Variants in RPA3 observed in about 807,000 individuals in gnomAD.
RPA3 encodes the protein replication protein A3, also known as replication protein A 14 kDa subunit.
RPA3 carries 24 observed loss-of-function variants against 13.7 expected under a neutral mutation model. That is an observed-to-expected ratio of 1.75 (90% CI 1.27 to 2.46). The LOEUF (loss-of-function observed/expected upper bound fraction) is 2.46. Ranked by LOEUF, RPA3 falls within the 30% of genes most tolerant of loss-of-function variation. The pLI is 0.00. For synonymous variants in RPA3, 59 were observed against 51.2 expected, an observed-to-expected ratio of 1.15 and a Z score of -0.65; for missense variants, 183 against 151.0, an observed-to-expected ratio of 1.21 and a Z score of -1.11.
chr7:7,695,872 A>G (rs1382733890), intron 2 of RPA3, among the ~76,000 whole-genome samples: 1 of 152,168 alleles, frequency 6.6e-6, no homozygotes, highest in African/African-American at 2.4e-5. Context: ...CATCTTATGC[A>G]CTAATGGTTG....
chr7:7,669,921 C>G (rs1234169782), intron 4 of RPA3, among the ~76,000 whole-genome samples: 2 of 152,072 alleles, frequency 1.3e-5, no homozygotes, highest in African/African-American at 4.8e-5. Flanking sequence ...CCTAAATTAT[C>G]CCTCCTTCTA....
intron 4 of RPA3, among the ~76,000 whole-genome samples, chr7:7,659,572 C>T (rs1222614590): frequency 6.6e-6 from 1 of 152,146 alleles, no homozygotes; most frequent in African/African-American, 2.4e-5. Context: ...ACCCAGTAGT[C>T]ATACAGGAGC....
At chr7:7,674,722 A>G (rs1252414255) in intron 4 of RPA3, among the ~76,000 whole-genome samples, 2 of 152,174 alleles carry the variant, frequency 1.3e-5, no homozygotes, top group Non-Finnish European at 2.9e-5. Context: ...TTGGCTTCCA[A>G]GTCAGAACTG....
intron 2 of RPA3, among the ~76,000 whole-genome samples, chr7:7,697,089 G>A (rs1780339027): frequency 6.6e-6 from 1 of 152,104 alleles, no homozygotes; most frequent in Non-Finnish European, 1.5e-5. Flanking sequence ...ATGATTTTCA[G>A]TCAGGATAAG....
intron 4 of RPA3, among the ~76,000 whole-genome samples, chr7:7,657,075 A>T (rs538572186): frequency 1.3e-5 from 2 of 152,196 alleles, no homozygotes; most frequent in South Asian, 4.1e-4. Flanking sequence ...AGTGATGATG[A>T]GCTTTTTTTC....
At chr7:7,647,193 G>C (rs549639755) in intron 4 of RPA3, among the ~76,000 whole-genome samples, 35 of 152,258 alleles carry the variant, frequency 2.3e-4, no homozygotes, top group African/African-American at 8.4e-4. Flanking sequence ...ATAAGCAGGT[G>C]TACATTAAGT....
At chr7:7,684,120 T>C (rs1407125276) in intron 4 of RPA3, among the ~76,000 whole-genome samples, 1 of 152,244 alleles carries the variant, frequency 6.6e-6, no homozygotes, top group Non-Finnish European at 1.5e-5. Flanking sequence ...TAATGCAATG[T>C]AAATGCTATG....
intron 2 of RPA3, among the ~76,000 whole-genome samples, chr7:7,698,831 C>A (rs905026138): frequency 2.2e-4 from 33 of 150,632 alleles, no homozygotes; most frequent in South Asian, 1.5e-3. Context: ...CATGACATTT[C>A]TGGCTGTGGA....
intron 4 of RPA3, among the ~76,000 whole-genome samples, chr7:7,669,506 A>C (rs1779552342): frequency 6.6e-6 from 1 of 152,200 alleles, no homozygotes; most frequent in Non-Finnish European, 1.5e-5. Context: ...AGCTGATGGC[A>C]GATTTTAGTG....
rs139957857 is a variant in RPA3 at position 7,666,572 on chromosome 7, A to G, written c.-758+19258T>C. On this transcript the variant is annotated intron_variant, in intron 4 of 7. Transcript: ENST00000223129. ...ATAATGGTATCTCATTGAGATTCTAATTTACTTTTCCTTGTTGACTGATGA... is the reference window on the plus strand; with the variant it reads ...ATAATGGTATCTCATTGAGATTCTAGTTTACTTTTCCTTGTTGACTGATGA... Among the ~76,000 whole-genome samples the G allele has an allele frequency of 3.5e-3, 532 of 152,140 alleles. 3 individuals are homozygous for G. Among genetic ancestry groups the G allele is most frequent in the Middle Eastern group, 0.017 (5 of 294 alleles).
intron 4 of RPA3, chr7:7,673,510 A>G (rs1001493511): frequency 3.0e-6 from 2 of 674,662 alleles, no homozygotes; most frequent in Non-Finnish European, 2.6e-6. Flanking sequence ...TTAAAAAATT[A>G]CTTGAAAATT....
At chr7:7,716,179 C>T (rs1780897048) in intron 1 of RPA3, among the ~76,000 whole-genome samples, 1 of 152,156 alleles carries the variant, frequency 6.6e-6, no homozygotes, top group Non-Finnish European at 1.5e-5. Context: ...AAAAATTACT[C>T]ATGCCATAGG....
At chr7:7,711,299 A>G (rs1358383783) in intron 2 of RPA3, among the ~76,000 whole-genome samples, 1 of 152,210 alleles carries the variant, frequency 6.6e-6, no homozygotes. Context: ...TGCTGTTACA[A>G]ACATCCTTGT....
At chr7:7,659,860 A>G (rs1785431808) in intron 4 of RPA3, among the ~76,000 whole-genome samples, 1 of 152,064 alleles carries the variant, frequency 6.6e-6, no homozygotes, top group Non-Finnish European at 1.5e-5. Context: ...TATCCTTGTT[A>G]ATTTTCTGTC....
chr7:7,638,520 T>C (rs986431320), intron 6 of RPA3: 1 of 152,392 alleles, frequency 6.6e-6, no homozygotes, highest in South Asian at 2.1e-4. Flanking sequence ...CTGAGGAACA[T>C]AGGGAGATGC....
rs886386438 is a variant in RPA3 at position 7,644,293 on chromosome 7, G to C, written c.-757-3118C>G. Among the ~76,000 whole-genome samples, 4 of 147,894 alleles carry C rather than the reference G, an allele frequency of 2.7e-5. No individual in the cohort carries two copies. In the East Asian group the frequency reaches 5.8e-4, roughly 22 times the overall value. On this transcript the variant is annotated intron_variant, in intron 4 of 7. Coordinates refer to ENST00000223129, the MANE Select transcript of RPA3 (RefSeq NM_002947.5). ...AAGAGCTTTTTATTAGTGAGATATT[G>C]TAATGGTACAAGTGTTGTCTGTTTT...
rs1305025590 is a variant in RPA3, at chr7:7,699,266, T to C, written c.-1027-11938A>G. On this transcript the variant is annotated intron_variant, in intron 2 of 7. Transcript: ENST00000223129. ...TCTTATCAGACTCATTTTAATAATATAACAGATTTAATTTTTAGTTTTCAT... is the reference window on the plus strand; with the variant it reads ...TCTTATCAGACTCATTTTAATAATACAACAGATTTAATTTTTAGTTTTCAT... Among the ~76,000 whole-genome samples, 40 of 152,172 alleles carry C rather than the reference T, an allele frequency of 2.6e-4. 2 individuals are homozygous for C. The highest frequency in any genetic ancestry group is 2.6e-3 in the Admixed American group (40 of 15,268).
rs28916313 is a variant in RPA3, at chr7:7,637,530, G to A, written c.283+334C>T. 5.5e-3 allele frequency among the ~76,000 whole-genome samples: 834 copies of A among 151,916 alleles called. 10 individuals are homozygous for A. Among genetic ancestry groups the A allele is most frequent in the African/African-American group, 0.018 (766 of 41,430 alleles). ...AAAATTCTATAGAAATTGAAAATGT[G>A]GCAGTACTAAAACTCTAGACCAATA... On this transcript the variant is annotated intron_variant, in intron 7 of 7. Transcript: ENST00000223129.
intron 2 of RPA3, among the ~76,000 whole-genome samples, chr7:7,699,230 G>A (rs79770901): frequency 0.021 from 3,254 of 152,150 alleles, 117 homozygotes; most frequent in African/African-American, 0.074. Context: ...GAATGCATTT[G>A]TGTTTTTCCT....
Sources: gnomAD v4.1 joint callset for allele counts (sites outside exome capture counted in the v4.1 genomes callset) on GRCh38, gnomAD v4.1.1 for gene constraint, MANE v1.5 for transcripts, NCBI Gene and HGNC (gene_info 2026-07-23, HGNC 2026-07-21) for gene names.